The following LRRC63 variants were observed in gnomAD, a reference collection of about 807,000 sequenced individuals.
LRRC63 encodes leucine rich repeat containing 63.
Under a neutral mutation model 49.5 loss-of-function variants are expected in LRRC63, and 40 were observed. The ratio of observed to expected loss-of-function variants is 0.81; its 90% CI spans 0.63 to 1.05. The LOEUF (loss-of-function observed/expected upper bound fraction) is 1.05, where lower values mean the gene tolerates loss of function less well. LRRC63 is among the 50% of genes least tolerant of loss of function. The pLI is 0.00. For synonymous variants in LRRC63, 191 were observed against 221.1 expected (o/e 0.86, Z 1.21); for missense variants, 636 against 663.1 (o/e 0.96, Z 0.45).
chr13:46,274,674 T>C (rs1256357936), intron 9 of LRRC63, among the ~76,000 whole-genome samples: 2 of 152,226 alleles, frequency 1.3e-5, no homozygotes, highest in Non-Finnish European at 2.9e-5. Flanking sequence ...TTGACTTCCT[T>C]GAGCATAAGA....
intron 2 of LRRC63, among the ~76,000 whole-genome samples, chr13:46,220,282 CT>C (rs1828637417): frequency 6.6e-6 from 1 of 152,194 alleles, no homozygotes; most frequent in African/African-American, 2.4e-5. Flanking sequence ...GGGCTGCTGC[CT>C]TTCTTTCAGA....
chr13:46,227,712 G>A, exon 3 of LRRC63: 2 of 1,550,366 alleles, frequency 1.3e-6, no homozygotes, highest in Non-Finnish European at 1.7e-6. Flanking sequence ...TACTAAGCAT[G>A]TCCGTGAGCA....
intron 5 of LRRC63, among the ~76,000 whole-genome samples, chr13:46,235,807 A>G (rs1427249102): frequency 6.6e-6 from 1 of 152,170 alleles, no homozygotes; most frequent in East Asian, 1.9e-4. Flanking sequence ...CAGACATTGG[A>G]CTTACTGGAA....
At position 46,248,704 on chromosome 13, in the gene LRRC63, C is replaced by T. The variant is rs544761076; in HGVS notation, c.1090-1651C>T. On this transcript the variant is annotated intron_variant, in intron 6 of 9. Transcript: ENST00000595396. ...ATTGGACACTTCAATATCCCACTTT[C>T]GATAATGAATAGAAAAATTAGGCAG... is the stretch of plus-strand genomic sequence containing the variant. Among the ~76,000 whole-genome samples, 9 of 151,740 alleles carry T rather than the reference C, an allele frequency of 5.9e-5. No individual in the cohort carries two copies. In the East Asian group the frequency reaches 1.2e-3, roughly 20 times the overall value.
chr13:46,217,263 A>G (rs745946396), intron 2 of LRRC63, among the ~76,000 whole-genome samples: 12 of 152,170 alleles, frequency 7.9e-5, no homozygotes, highest in Non-Finnish European at 1.8e-4. Context: ...TTGGTAGGCT[A>G]TTAATTACTG....
intron 9 of LRRC63, chr13:46,270,518 C>T (rs17067935): frequency 2.5e-6 from 2 of 800,404 alleles, no homozygotes; most frequent in Non-Finnish European, 4.5e-6. Flanking sequence ...AGTTGAGTTA[C>T]CCAAATTTGA....
chr13:46,260,060 T>G (rs2047589495), intron 7 of LRRC63, among the ~76,000 whole-genome samples: 2 of 152,206 alleles, frequency 1.3e-5, no homozygotes, highest in African/African-American at 4.8e-5. Context: ...TGAACAGATT[T>G]TCTCTGTAAA....
At chr13:46,232,990 G>A (rs2138431293) in intron 4 of LRRC63, among the ~76,000 whole-genome samples, 1 of 152,282 alleles carries the variant, frequency 6.6e-6, no homozygotes, top group East Asian at 1.9e-4. Flanking sequence ...GCTGCATTTA[G>A]TAAGAGGTTA....
chr13:46,220,724 A>G (rs1177619514), intron 2 of LRRC63, among the ~76,000 whole-genome samples: 1 of 151,528 alleles, frequency 6.6e-6, no homozygotes, highest in Non-Finnish European at 1.5e-5. Context: ...CTTGAAACCC[A>G]GGGCCCTGGT....
intron 8 of LRRC63, 113 bp from the exon 9 acceptor site, chr13:46,266,620 T>C (rs1211856075): frequency 1.3e-6 from 1 of 778,674 alleles, no homozygotes; most frequent in East Asian, 2.8e-5. Context: ...TTCATACTTG[T>C]ATTTTATTGG....
intron 8 of LRRC63, among the ~76,000 whole-genome samples, chr13:46,266,523 T>C (rs951250607): frequency 6.6e-6 from 1 of 152,240 alleles, no homozygotes; most frequent in African/African-American, 2.4e-5. Flanking sequence ...AACCGTGCTA[T>C]TCACTCAAAG....
chr13:46,228,113 A>G, exon 3 of LRRC63: 1 of 1,550,468 alleles, frequency 6.4e-7, no homozygotes, highest in Non-Finnish European at 8.7e-7. Flanking sequence ...TGACACTAAG[A>G]GTTACTGAAT....
In LRRC63 at chr13:46,228,070, A is replaced by G. The variant is rs140335949; in HGVS notation, c.644A>G (p.Gln215Arg). 50 of 1,551,096 alleles carry G rather than the reference A, an allele frequency of 3.2e-5. No individual in the cohort carries two copies. The African/African-American group carries it at 4.4e-4, about 14-fold the overall frequency. Residue 215 changes from glutamine (Q) to arginine (R), a missense_variant, in exon 3 of 10, where the codon CAG (glutamine) becomes CGG (arginine). Gln to Arg is a conservative substitution (Grantham distance 43, BLOSUM62 1). Transcript: ENST00000595396. ...ACTGTATCTATGAAACCAGAAGGACAGTGGCCTGAACATTTTAAATCAACT... is the reference window on the plus strand; with the variant it reads ...ACTGTATCTATGAAACCAGAAGGACGGTGGCCTGAACATTTTAAATCAACT...
intron 9 of LRRC63, chr13:46,270,770 C>A (rs1311636432): frequency 2.1e-6 from 1 of 479,024 alleles, no homozygotes; most frequent in South Asian, 2.0e-5. Context: ...TTCGTTTCCC[C>A]TCTCTGGCTT....
intron 2 of LRRC63, among the ~76,000 whole-genome samples, chr13:46,214,617 A>G (rs1411985711): frequency 2.6e-5 from 4 of 151,748 alleles, no homozygotes; most frequent in Admixed American, 2.6e-4. Context: ...TGCACATAGT[A>G]GGTGATCAAA....
intron 9 of LRRC63, chr13:46,270,657 T>C (rs532841577): frequency 2.4e-5 from 19 of 789,042 alleles, no homozygotes; most frequent in South Asian, 2.2e-4. Flanking sequence ...AGTGGGATTC[T>C]TGTTACCTGG....
At chr13:46,270,748 G>T in intron 9 of LRRC63, 1 of 504,926 alleles carries the variant, frequency 2.0e-6, no homozygotes. Context: ...GAGGCCTGGT[G>T]CTTCACTTAC....
intron 5 of LRRC63, among the ~76,000 whole-genome samples, chr13:46,245,115 T>G (rs1347638367): frequency 6.6e-6 from 1 of 152,176 alleles, no homozygotes; most frequent in Non-Finnish European, 1.5e-5. Context: ...GAGAAAAGTT[T>G]GAAAATGTTT....
In LRRC63 at chr13:46,230,846, C is replaced by A. The variant is rs9595433; in HGVS notation, c.832+2113C>A. The stretch of plus-strand genomic sequence containing the variant: ...TCATTGCTTTGCTCCCACATCTGAG[C>A]ATAGGCTGTTACAAGCAGCCAGGCC... On this transcript the variant is annotated intron_variant, in intron 4 of 9. Coordinates refer to ENST00000595396, the Ensembl canonical transcript of LRRC63. Among the ~76,000 whole-genome samples, 1,337 of 152,288 alleles carry A rather than the reference C, an allele frequency of 8.8e-3. 20 individuals carry two copies. Among genetic ancestry groups the A allele is most frequent in the African/African-American group, 0.031 (1,287 of 41,540 alleles).
Sources: allele counts gnomAD v4.1 joint callset (sites outside exome capture counted in the v4.1 genomes callset), GRCh38; gene constraint gnomAD v4.1.1; transcripts MANE v1.5; gene names NCBI Gene and HGNC (gene_info 2026-07-23, HGNC 2026-07-21).